The following DCC variants were observed in gnomAD, a reference collection of about 807,000 sequenced individuals.
The protein encoded by DCC is DCC netrin 1 receptor, also known as netrin receptor DCC.
In DCC, 58 loss-of-function variants were observed where a neutral mutation model predicts 172.5. The observed-to-expected ratio is 0.34, with a 90% CI of 0.27 to 0.42. The LOEUF (loss-of-function observed/expected upper bound fraction) is 0.42, where lower values mean the gene tolerates loss of function less well. DCC is among the 10% of genes least tolerant of loss of function. The probability of loss-of-function intolerance (pLI) is 1.00; values close to 1 mark genes in which losing one functional copy is unlikely to be tolerated. For missense variants in DCC, 1,740 were observed against 1,791.0 expected, an observed-to-expected ratio of 0.97 and a Z score of 0.51; for synonymous variants, 709 against 644.5, an observed-to-expected ratio of 1.10 and a Z score of -1.52.
intron 3 of DCC, 84 bp downstream of exon 3, chr18:52,906,412 T>A: frequency 7.3e-7 from 1 of 1,378,026 alleles, no homozygotes; most frequent in Non-Finnish European, 1.0e-6. Flanking sequence ...CAGATATTTG[T>A]AATTGTTATA....
At chr18:53,366,443 A>G (rs1273638286) in intron 15 of DCC, among the ~76,000 whole-genome samples, 1 of 152,186 alleles carries the variant, frequency 6.6e-6, no homozygotes, top group Admixed American at 6.5e-5. Flanking sequence ...TTCTTACTAT[A>G]TGCCAGAAAG....
chr18:53,324,507 T>C (rs947035315), intron 14 of DCC, among the ~76,000 whole-genome samples: 14 of 152,112 alleles, frequency 9.2e-5, no homozygotes, highest in African/African-American at 3.4e-4. Context: ...TACTGCTTTA[T>C]ATAAGGAACT....
intron 1 of DCC, among the ~76,000 whole-genome samples, chr18:52,595,909 A>G (rs1402173061): frequency 1.3e-5 from 2 of 152,218 alleles, no homozygotes; most frequent in Non-Finnish European, 1.5e-5. Context: ...CTCCACCATG[A>G]GAAATCTCAG....
At chr18:52,676,698 C>T (rs1007313203) in intron 1 of DCC, among the ~76,000 whole-genome samples, 34 of 152,246 alleles carry the variant, frequency 2.2e-4, no homozygotes, top group African/African-American at 7.9e-4. Context: ...TCACCCTGTC[C>T]CAAGTGCAAC....
intron 7 of DCC, among the ~76,000 whole-genome samples, chr18:53,138,183 C>G (rs553184618): frequency 6.6e-6 from 1 of 152,048 alleles, no homozygotes; most frequent in African/African-American, 2.4e-5. Flanking sequence ...TATAAAAACT[C>G]TCAGGACCCT....
chr18:53,091,859 C>CTATCTATA (rs1555710006), intron 7 of DCC, among the ~76,000 whole-genome samples: 1 of 141,038 alleles, frequency 7.1e-6, no homozygotes, highest in African/African-American at 2.8e-5. Context: ...ATCAATCTAT[C>CTATCTATA]TATATATATA....
chr18:52,546,997 C>T (rs2032634959), intron 1 of DCC, among the ~76,000 whole-genome samples: 2 of 152,132 alleles, frequency 1.3e-5, no homozygotes, highest in South Asian at 4.1e-4. Flanking sequence ...GGGAAAAGAG[C>T]ACACCGTCTG....
intron 7 of DCC, among the ~76,000 whole-genome samples, chr18:53,110,161 A>G (rs1313846410): frequency 6.6e-6 from 1 of 151,722 alleles, no homozygotes; most frequent in Non-Finnish European, 1.5e-5. Flanking sequence ...GAAACGAAAT[A>G]TTTAAATGAT....
Position 53,208,317 on chromosome 18 carries a change from A to G in DCC, c.1861+500A>G, listed in dbSNP as rs1368802278. On this transcript the variant is annotated intron_variant, in intron 11 of 28. Coordinates refer to ENST00000442544, the MANE Select transcript of DCC (RefSeq NM_005215.4). Reference sequence around the variant, plus strand: ...TATGTATATATGTATATACATATGTATATACTCTTGAGTCAGTATATACTA... The same window carrying G: ...TATGTATATATGTATATACATATGTGTATACTCTTGAGTCAGTATATACTA... Among the ~76,000 whole-genome samples the G allele has an allele frequency of 7.2e-5, 11 of 151,942 alleles. No homozygotes were observed. In the East Asian group the frequency reaches 2.1e-3, roughly 29 times the overall value.
chr18:53,499,633 G>T lies in DCC; in HGVS notation c.4111+123G>T. On this transcript the variant is annotated intron_variant, in intron 27 of 28. Transcript: ENST00000442544. ...CTTTTCAATGCTGATTACATGCCCA[G>T]TGTGCTCATTTTTGTTACTGATGCT... is the stretch of plus-strand genomic sequence containing the variant. 5.9e-6 allele frequency: 5 copies of T among 847,106 alleles called. No individual in the cohort carries two copies. The South Asian group carries it at 7.0e-5, about 12-fold the overall frequency. 52.5% of individuals were successfully genotyped at this position (847,106 alleles called of 1,614,324 possible). A position where few individuals can be genotyped will look rare whatever the true frequency, so the allele number is the denominator to read the frequency against.
intron 5 of DCC, among the ~76,000 whole-genome samples, chr18:53,040,789 T>A (rs890447120): frequency 4.0e-5 from 6 of 151,540 alleles, no homozygotes; most frequent in African/African-American, 1.5e-4. Flanking sequence ...AAATTTGAAG[T>A]GAGAAAGGAG....
At chr18:53,396,261 C>A (rs578231206) in intron 17 of DCC, among the ~76,000 whole-genome samples, 3 of 152,088 alleles carry the variant, frequency 2.0e-5, no homozygotes, top group Non-Finnish European at 4.4e-5. Flanking sequence ...AGAACGATAC[C>A]TCATACCAAG....
At chr18:52,530,555 C>G (rs562447076) in intron 1 of DCC, among the ~76,000 whole-genome samples, 3 of 152,292 alleles carry the variant, frequency 2.0e-5, no homozygotes, top group African/African-American at 7.2e-5. Flanking sequence ...GTAAATGGTA[C>G]ATAGGAGGTG....
At chr18:52,517,289 G>T (rs2031673864) in intron 1 of DCC, among the ~76,000 whole-genome samples, 2 of 152,216 alleles carry the variant, frequency 1.3e-5, no homozygotes, top group Non-Finnish European at 2.9e-5. Context: ...CTCGATAGCT[G>T]CGGTGGTATT....
chr18:52,460,049 A>G (rs1988584380), intron 1 of DCC, among the ~76,000 whole-genome samples: 1 of 152,132 alleles, frequency 6.6e-6, no homozygotes, highest in Non-Finnish European at 1.5e-5. Flanking sequence ...ATGGTAGAGC[A>G]TAGATCATTC....
At chr18:53,053,382 A>G (rs1212598070) in intron 5 of DCC, among the ~76,000 whole-genome samples, 1 of 152,048 alleles carries the variant, frequency 6.6e-6, no homozygotes, top group Admixed American at 6.6e-5. Context: ...TGCTATTGCT[A>G]TGCTTTCTTT....
chr18:52,940,871 ATGT>A (rs1392171500), intron 5 of DCC: 1 of 152,166 alleles, frequency 6.6e-6, no homozygotes, highest in East Asian at 1.9e-4. Context: ...GAATTACAAG[ATGT>A]TGTTTATGTT....
intron 5 of DCC, among the ~76,000 whole-genome samples, chr18:53,062,071 T>C (rs1051999362): frequency 6.6e-6 from 1 of 152,038 alleles, no homozygotes; most frequent in African/African-American, 2.4e-5. Context: ...TATACTAATA[T>C]CATCAATAAT....
intron 1 of DCC, among the ~76,000 whole-genome samples, chr18:52,443,618 A>G (rs1226747058): frequency 2.0e-5 from 3 of 152,216 alleles, no homozygotes; most frequent in Non-Finnish European, 4.4e-5. Context: ...AGGAAAAATC[A>G]TGTCTTGATC....
Sources: gnomAD v4.1 joint callset for allele counts (sites outside exome capture counted in the v4.1 genomes callset) on GRCh38, gnomAD v4.1.1 for gene constraint, MANE v1.5 for transcripts, NCBI Gene and HGNC (gene_info 2026-07-23, HGNC 2026-07-21) for gene names.